MUC3A: variants seen among roughly 807,000 people sequenced by gnomAD.
MUC3A encodes mucin-3A.
MUC3A carries 109 observed loss-of-function variants against 109.0 expected under a neutral mutation model. The observed-to-expected ratio is 1.00, with a 90% CI of 0.86 to 1.17. The LOEUF is 1.17. Among genes scored for constraint, MUC3A ranks in the 50% most tolerant of loss-of-function variants. The probability of loss-of-function intolerance (pLI) is 0.00; values close to 1 mark genes in which losing one functional copy is unlikely to be tolerated. For synonymous variants in MUC3A, 1,398 were observed against 981.4 expected, an observed-to-expected ratio of 1.42 and a Z score of -7.93; for missense variants, 3,537 against 2,469.4, an observed-to-expected ratio of 1.43 and a Z score of -9.16.
rs1792450043 is a variant in MUC3A, at chr7:100,964,360, T to A, written c.9234-335T>A. 3 of 314,874 alleles carry A rather than the reference T, an allele frequency of 9.5e-6. No individual in the cohort carries two copies. In the South Asian group the frequency reaches 4.2e-4, roughly 44 times the overall value. The allele number at this position is 314,874 out of a possible 1,614,324, so 19.5% of individuals were successfully genotyped here. A position where few individuals can be genotyped will look rare whatever the true frequency, so the allele number is the denominator to read the frequency against. On this transcript the variant is annotated intron_variant, in intron 5 of 11. Coordinates refer to ENST00000379458, the MANE Select transcript of MUC3A (RefSeq NM_005960.2). ...CTGTAGTCCCTGATACTTGGGAGGC[T>A]GAGGAGAAAGGATCACTTTAGCCCA... is the stretch of plus-strand genomic sequence containing the variant.
chr7:100,952,864 C>T lies in MUC3A; in HGVS notation c.1085C>T (p.Ser362Phe), dbSNP rs1242589173. 3 of 1,542,240 alleles carry T rather than the reference C, an allele frequency of 1.9e-6. No homozygotes were observed. Among genetic ancestry groups the T allele is most frequent in the African/African-American group, 1.4e-5 (1 of 73,460 alleles). The change falls in exon 2 of 12, where the codon TCC (serine) becomes TTC (phenylalanine). Residue 362 changes from serine (S) to phenylalanine (F), a missense_variant. Transcript: ENST00000379458. ...TCCACAAGTATGACAGGTACATTGT[C>T]CACAGAGACTTCTCTCCCACCCACC... is the stretch of plus-strand genomic sequence containing the variant. The part of the protein sequence containing the change: ...AYSTSMTGTL[S>F]TETSLPPTSS...
rs1792186364 is a variant in MUC3A at position 100,958,744 on chromosome 7, A to ACTTCTTCG, written c.6966_6967insTTCTTCGC (p.Ser2323PhefsTer151). 1 of 1,172,144 alleles carries ACTTCTTCG rather than the reference A, an allele frequency of 8.5e-7. No homozygotes were observed. Among genetic ancestry groups the ACTTCTTCG allele is most frequent in the Non-Finnish European group, 1.1e-6 (1 of 886,114 alleles). 72.6% of individuals were successfully genotyped at this position (1,172,144 alleles called of 1,614,324 possible). A position where few individuals can be genotyped will look rare whatever the true frequency, so the allele number is the denominator to read the frequency against. ...ACGGAGACCACCTCACACAGTGCTC[A>ACTTCTTCG]CAGCTTCACTTCTTCGATCACCACC... On this transcript the variant is annotated frameshift_variant, in exon 2 of 12. Coordinates refer to ENST00000379458, the MANE Select transcript of MUC3A (RefSeq NM_005960.2). LOFTEE classifies it high-confidence loss of function.
chr7:100,952,446 A>C lies in MUC3A; in HGVS notation c.667A>C (p.Thr223Pro). 6.3e-7 allele frequency: 1 copy of C among 1,598,592 alleles called. No homozygotes were observed. The highest frequency in any genetic ancestry group is 2.2e-5 in the East Asian group (1 of 44,892). ...TTFHTTISSTTRTTERTPLPT... is the reference protein window; with the variant it reads ...TTFHTTISSTPRTTERTPLPT... ...CTTCCACACTACAATCTCGTCTACA[A>C]CTAGAACCACAGAAAGGACTCCCCT... The change falls in exon 2 of 12, where the codon ACT becomes CCT. Residue 223 changes from threonine to proline, a missense_variant. Thr to Pro is a conservative substitution (Grantham distance 38). Transcript: ENST00000379458.
Position 100,960,439 on chromosome 7 carries a change from C to A in MUC3A, c.8660C>A (p.Ser2887Tyr). ...SVIPLPLPGV[S>Y]TIPLTMKPSS... is the part of the protein sequence containing the mutation. ...ATCCCCCTACCTCTTCCTGGCGTCT[C>A]TACCATCCCGCTCACCATGAAACCA... The change falls in exon 2 of 12, where the codon TCT becomes TAT. Residue 2887 changes from serine (S) to tyrosine (Y), a missense_variant. Ser to Tyr is a moderately radical substitution (Grantham distance 144). Coordinates refer to ENST00000379458, the MANE Select transcript of MUC3A (RefSeq NM_005960.2). 1 of 1,598,590 alleles carries A rather than the reference C, an allele frequency of 6.3e-7. No homozygotes were observed. Among genetic ancestry groups the A allele is most frequent in the Non-Finnish European group, 8.5e-7 (1 of 1,179,820 alleles).
intron 3 of MUC3A, among the ~76,000 whole-genome samples, chr7:100,962,759 C>CAGA (rs1792374080): frequency 6.7e-6 from 1 of 150,140 alleles, no homozygotes; most frequent in Non-Finnish European, 1.5e-5. Context: ...AATGCTTTCT[C>CAGA]CCTTTCTTTC....
Position 100,959,508 on chromosome 7 carries a change from C to CAAA in MUC3A, c.7729_7730insAAA (p.Pro2577delinsGlnThr). ...AAGTATTGTTGTTATACCTGAAACC[C>CAAA]CAACACAGACCCCTCCTGTACTGAC... On this transcript the variant is annotated protein_altering_variant, in exon 2 of 12. Coordinates refer to ENST00000379458, the MANE Select transcript of MUC3A (RefSeq NM_005960.2). The CAAA allele has an allele frequency of 6.3e-7, 1 of 1,575,434 alleles. No individual in the cohort carries two copies. Among genetic ancestry groups the CAAA allele is most frequent in the South Asian group, 1.1e-5 (1 of 87,218 alleles).
Position 100,966,900 on chromosome 7 carries a change from C to T in MUC3A, c.9879C>T (p.Asp3293=). 1.3e-6 allele frequency: 2 copies of T among 1,598,540 alleles called. No homozygotes were observed. The highest frequency in any genetic ancestry group is 1.7e-6 in the Non-Finnish European group (2 of 1,179,818). ...SNWGFEDDGT[D]KDTNFYVALE... ...TTCTCCGCTCCTCTCTCTCTCTAGACAAGGATACAAATTTCTATGTGGCCT... is the reference window on the plus strand; with the variant it reads ...TTCTCCGCTCCTCTCTCTCTCTAGATAAGGATACAAATTTCTATGTGGCCT... Residue 3293 remains aspartate (D), a splice_region_variant and synonymous_variant, in exon 11 of 12, where the codon GAC becomes GAT. Transcript: ENST00000379458.
chr7:100,966,844 T>C, intron 10 of MUC3A, 55 bp from the exon 11 acceptor site: 4 of 1,598,390 alleles, frequency 2.5e-6, no homozygotes, highest in Non-Finnish European at 3.4e-6. Context: ...CGTCCCCCTC[T>C]CCCTTCCGTC....
rs1206711258 is a variant in MUC3A, at chr7:100,957,248, G to A, written c.5469G>A (p.Val1823=). 4.1e-6 allele frequency: 2 copies of A among 493,754 alleles called. No individual in the cohort carries two copies. Among genetic ancestry groups the A allele is most frequent in the Non-Finnish European group, 3.5e-6 (1 of 283,446 alleles). 30.6% of individuals were successfully genotyped at this position (493,754 alleles called of 1,614,324 possible). The change falls in exon 2 of 12, where the codon GTG becomes GTA. Residue 1823 remains valine (V), a synonymous_variant. Coordinates refer to ENST00000379458, the MANE Select transcript of MUC3A (RefSeq NM_005960.2). ...TTNTTPLSTL[V]TTFSNSDTSS... ...ACACCACCCCTCTATCTACATTGGTGACCACATTCTCCAATTCCGACACCA... is the reference window on the plus strand; with the variant it reads ...ACACCACCCCTCTATCTACATTGGTAACCACATTCTCCAATTCCGACACCA...
At chr7:100,965,378 C>T in intron 7 of MUC3A, 31 bp downstream of exon 7, 2 of 1,590,726 alleles carry the variant, frequency 1.3e-6, no homozygotes, top group Middle Eastern at 1.7e-4. Context: ...TGAGTGGTCT[C>T]CCGCGGCTAT....
Position 100,966,545 on chromosome 7 carries a change from C to T in MUC3A, c.9771C>T (p.Gly3257=), listed in dbSNP as rs1421437396. The T allele has an allele frequency of 2.2e-5, 31 of 1,395,714 alleles. No homozygotes were observed. In the Middle Eastern group the frequency reaches 8.5e-4, roughly 38 times the overall value. 86.5% of individuals were successfully genotyped at this position (1,395,714 alleles called of 1,614,324 possible). ...CGGTGCGCTCCGGATGGTGGGGCGG[C>T]CAGCGCCGAGGCCGGTGAGCGTGCG... The part of the protein sequence containing the change: ...VRAVRSGWWG[G]QRRGRSWDQD... Residue 3257 remains glycine (G), a synonymous_variant, in exon 9 of 12, where the codon GGC becomes GGT. Coordinates refer to ENST00000379458, the MANE Select transcript of MUC3A (RefSeq NM_005960.2).
chr7:100,961,113 C>A (rs1212444970), intron 3 of MUC3A, 176 bp downstream of exon 3: 1 of 976,034 alleles, frequency 1.0e-6, no homozygotes, highest in South Asian at 4.7e-5. Flanking sequence ...TCCGTCCTCA[C>A]CCTTAGGAGG....
Position 100,954,585 on chromosome 7 carries a change from A to G in MUC3A, c.2806A>G (p.Thr936Ala). 2.5e-6 allele frequency: 1 copy of G among 401,090 alleles called. No individual in the cohort carries two copies. Among genetic ancestry groups the G allele is most frequent in the Non-Finnish European group, 4.4e-6 (1 of 227,868 alleles). The allele number at this position is 401,090 out of a possible 1,614,324, so 24.8% of individuals were successfully genotyped here. Reference protein sequence around the residue: ...SISSPRGTTSTLHTTVESTPS... With the variant: ...SISSPRGTTSALHTTVESTPS... Reference sequence around the variant, plus strand: ...CTCCTCACCTCGAGGCACCACCAGTACACTCCACACAACAGTTGAATCCAC... The same window carrying G: ...CTCCTCACCTCGAGGCACCACCAGTGCACTCCACACAACAGTTGAATCCAC... The change falls in exon 2 of 12, where the codon ACA (threonine) becomes GCA (alanine). Residue 936 changes from threonine (T) to alanine (A), a missense_variant. Coordinates refer to ENST00000379458, the MANE Select transcript of MUC3A (RefSeq NM_005960.2).
rs944203591 is a variant in MUC3A at position 100,955,665 on chromosome 7, G to T, written c.3886G>T (p.Ala1296Ser). The T allele has an allele frequency of 1.9e-4, 87 of 446,562 alleles. No homozygotes were observed. The highest frequency in any genetic ancestry group is 4.1e-4 in the Admixed American group (10 of 24,604). The allele number at this position is 446,562 out of a possible 1,614,324, so 27.7% of individuals were successfully genotyped here. ...TTCATCTTCCATGTCTGCCAGCAGTGCAGGGACCACTCACACAGAGACTAT... is the reference window on the plus strand; with the variant it reads ...TTCATCTTCCATGTCTGCCAGCAGTTCAGGGACCACTCACACAGAGACTAT... ...SFSSSMSASS[A>S]GTTHTETISS... is the part of the protein sequence containing the mutation. The change falls in exon 2 of 12, where the codon GCA becomes TCA. Residue 1296 changes from alanine to serine, a missense_variant. Transcript: ENST00000379458.
Position 100,965,727 on chromosome 7 carries a change from A to C in MUC3A, c.9472A>C (p.Thr3158Pro). The change falls in exon 8 of 12, where the codon ACG (threonine) becomes CCG (proline). Residue 3158 changes from threonine (T) to proline (P), a missense_variant. Transcript: ENST00000379458. Reference protein sequence around the residue: ...PAAICRRAAPTGYEEFYFPLV... With the variant: ...PAAICRRAAPPGYEEFYFPLV... ...AGCCATCTGCCGCCGCGCCGCTCCC[A>C]CGGGCTATGAAGAGTTCTACTTCCC... 1 of 1,597,946 alleles carries C rather than the reference A, an allele frequency of 6.3e-7. No individual in the cohort carries two copies. Among genetic ancestry groups the C allele is most frequent in the East Asian group, 2.2e-5 (1 of 44,868 alleles).
rs77756025 is a variant in MUC3A, at chr7:100,958,781, C to T, written c.7002C>T (p.Thr2334=). ...CTTCGATCACCACCACCGAGACCAC[C>T]TCACACAATACTCGCAGCTTCACTT... is the stretch of plus-strand genomic sequence containing the variant. ...FTSSITTTET[T]SHNTRSFTSS... Residue 2334 remains threonine (T), a synonymous_variant, in exon 2 of 12, where the codon ACC becomes ACT. Coordinates refer to ENST00000379458, the MANE Select transcript of MUC3A (RefSeq NM_005960.2). 1.7e-6 allele frequency: 2 copies of T among 1,208,598 alleles called. No individual in the cohort carries two copies. The highest frequency in any genetic ancestry group is 2.1e-6 in the Non-Finnish European group (2 of 966,188). The allele number at this position is 1,208,598 out of a possible 1,614,324, so 74.9% of individuals were successfully genotyped here.
intron 9 of MUC3A, 25 bp downstream of exon 9, chr7:100,966,584 G>GC: frequency 1.3e-6 from 2 of 1,579,418 alleles, no homozygotes; most frequent in Non-Finnish European, 1.7e-6. Flanking sequence ...GGCGGGGCCG[G>GC]GGGGCGAGGG....
intron 6 of MUC3A, 196 bp from the exon 7 acceptor site, chr7:100,965,086 C>G: frequency 8.8e-7 from 1 of 1,139,226 alleles, no homozygotes; most frequent in East Asian, 2.6e-5. Context: ...TGGCTGAAGA[C>G]CTCGGATTAT....
Position 100,963,138 on chromosome 7 carries a change from A to C in MUC3A, c.9053-13A>C. Reference sequence around the variant, plus strand: ...GACAGAGAAGTGACTGGGGACATGCATGCTCTGTGTAGATGTAGTGGAGAC... The same window carrying C: ...GACAGAGAAGTGACTGGGGACATGCCTGCTCTGTGTAGATGTAGTGGAGAC... On this transcript the variant is annotated splice_polypyrimidine_tract_variant and intron_variant, in intron 3 of 11. Transcript: ENST00000379458. 1 of 1,597,560 alleles carries C rather than the reference A, an allele frequency of 6.3e-7. No homozygotes were observed. The highest frequency in any genetic ancestry group is 1.1e-5 in the South Asian group (1 of 90,706).
Sources: gnomAD v4.1 joint callset for allele counts (sites outside exome capture counted in the v4.1 genomes callset) on GRCh38, gnomAD v4.1.1 for gene constraint, MANE v1.5 for transcripts, NCBI Gene and HGNC (gene_info 2026-07-23, HGNC 2026-07-21) for gene names.